Variants in TGM4 observed in about 807,000 individuals in gnomAD.
TGM4 encodes transglutaminase 4.
TGM4 carries 61 observed loss-of-function variants against 76.3 expected under a neutral mutation model. The ratio of observed to expected loss-of-function variants is 0.80; its 90% CI spans 0.65 to 0.99. The LOEUF (loss-of-function observed/expected upper bound fraction) is 0.99. TGM4 is among the 50% of genes least tolerant of loss of function. TGM4 has a pLI of 0.00. For synonymous variants in TGM4, 337 were observed against 329.8 expected (o/e 1.02, Z -0.24); for missense variants, 794 against 843.2 (o/e 0.94, Z 0.72).
chr3:44,887,574 C>A, intron 2 of TGM4, 115 bp from the exon 3 acceptor site: 1 of 848,408 alleles, frequency 1.2e-6, no homozygotes, highest in Non-Finnish European at 1.8e-6. Context: ...GACAAATGAG[C>A]CTGGAAAGGA....
At chr3:44,912,707 C>T (rs183881501) in intron 13 of TGM4, among the ~76,000 whole-genome samples, 61 of 152,190 alleles carry the variant, frequency 4.0e-4, no homozygotes, top group African/African-American at 1.4e-3. Flanking sequence ...TTGTGTCTTG[C>T]CATCTAGGAA....
chr3:44,897,393 C>T (rs1446565757), intron 6 of TGM4, among the ~76,000 whole-genome samples: 3 of 152,182 alleles, frequency 2.0e-5, no homozygotes, highest in Non-Finnish European at 2.9e-5. Flanking sequence ...GCCTCAGTTT[C>T]CCCCATCTGC....
intron 1 of TGM4, among the ~76,000 whole-genome samples, chr3:44,878,449 T>TTTATTATTATTA (rs199498412): frequency 1.7e-4 from 13 of 75,474 alleles, no homozygotes; most frequent in African/African-American, 2.1e-4. Flanking sequence ...TTACTTTTGT[T>TTTATTATTATTA]TTATTATTAT....
chr3:44,899,050 G>A (rs1160902780), intron 6 of TGM4: 1 of 152,420 alleles, frequency 6.6e-6, no homozygotes, highest in East Asian at 1.9e-4. Flanking sequence ...CTCTGGACAA[G>A]ATTCTAAACC....
chr3:44,904,070 C>A, intron 9 of TGM4, 83 bp downstream of exon 9: 1 of 1,227,808 alleles, frequency 8.1e-7, no homozygotes, highest in Non-Finnish European at 1.2e-6. Context: ...GGGTATGCAG[C>A]CAAGCAGGTG....
At chr3:44,889,170 TAAAAAAAAA>T (rs546432543) in intron 3 of TGM4, 21 of 40,278 alleles carry the variant, frequency 5.2e-4, no homozygotes, top group African/African-American at 1.3e-3. Context: ...CCATCTCTAC[TAAAAAAAAA>T]AAAAAAAAAA....
chr3:44,875,399 G>A (rs1465574915), intron 1 of TGM4, among the ~76,000 whole-genome samples: 1 of 152,134 alleles, frequency 6.6e-6, no homozygotes, highest in African/African-American at 2.4e-5. Flanking sequence ...CTTTCTCAAG[G>A]TCACCTGATG....
intron 1 of TGM4, among the ~76,000 whole-genome samples, chr3:44,884,869 C>T (rs546877903): frequency 4.6e-5 from 7 of 152,154 alleles, no homozygotes; most frequent in South Asian, 2.1e-4. Context: ...TCAGTTTGCC[C>T]GCTCCCCTCT....
rs962434651 is a variant in TGM4, at chr3:44,901,591, C to G, written c.725C>G (p.Ala242Gly). 6.2e-7 allele frequency: 1 copy of G among 1,614,008 alleles called. No individual in the cohort carries two copies. The highest frequency in any genetic ancestry group is 8.5e-7 in the Non-Finnish European group (1 of 1,179,932). The change falls in exon 7 of 14, where the codon GCC (alanine) becomes GGC (glycine). Residue 242 changes from alanine to glycine, a missense_variant. Physicochemically the swap from Ala to Gly is moderately conservative, Grantham distance 60. Transcript: ENST00000296125. Reference sequence around the variant, plus strand: ...ACTGGGGACTACGAAGGTGGCACAGCCCCATACAAGTGGACAGGCAGTGCC... The same window carrying G: ...ACTGGGGACTACGAAGGTGGCACAGGCCCATACAAGTGGACAGGCAGTGCC... ...NWTGDYEGGT[A>G]PYKWTGSAPI...
At chr3:44,883,677 C>T (rs540212240) in intron 1 of TGM4, among the ~76,000 whole-genome samples, 4 of 152,268 alleles carry the variant, frequency 2.6e-5, no homozygotes, top group South Asian at 2.1e-4. Flanking sequence ...AGGCCCTGTG[C>T]GCAGTGTGAA....
rs139956883 is a variant in TGM4, at chr3:44,896,727, G to C, written c.568G>C (p.Asp190His). The change falls in exon 6 of 14, where the codon GAC becomes CAC. Residue 190 changes from aspartate to histidine, a missense_variant. Transcript: ENST00000296125. Reference sequence around the variant, plus strand: ...AAAATAGTTTGAGAAAAATGTCCTGGACTGCTGCATTTCCCTGCTGACTGA... The same window carrying C: ...AAAATAGTTTGAGAAAAATGTCCTGCACTGCTGCATTTCCCTGCTGACTGA... ...NFGQFEKNVL[D>H]CCISLLTESS... is the part of the protein sequence containing the mutation. The C allele has an allele frequency of 7.4e-6, 12 of 1,613,976 alleles. No homozygotes were observed. Among genetic ancestry groups the C allele is most frequent in the Non-Finnish European group, 1.0e-5 (12 of 1,180,012 alleles).
intron 3 of TGM4, 45 bp from the exon 4 acceptor site, chr3:44,890,558 C>A (rs2125751580): frequency 6.2e-7 from 1 of 1,600,552 alleles, no homozygotes; most frequent in Non-Finnish European, 8.5e-7. Context: ...GATTTGGGAT[C>A]TGGCCAGAGG....
At chr3:44,892,423 C>T (rs1162051732) in intron 4 of TGM4, among the ~76,000 whole-genome samples, 11 of 140,732 alleles carry the variant, frequency 7.8e-5, no homozygotes, top group Admixed American at 6.7e-4. Context: ...AGTGCAATGG[C>T]GCAATGGTGC....
intron 5 of TGM4, among the ~76,000 whole-genome samples, chr3:44,895,468 A>T (rs1699767119): frequency 6.6e-6 from 1 of 152,074 alleles, no homozygotes; most frequent in African/African-American, 2.4e-5. Context: ...CTCTATAAAA[A>T]ATAAACAAAT....
chr3:44,896,844 TG>T, intron 6 of TGM4, 28 bp downstream of exon 6: 1 of 1,589,188 alleles, frequency 6.3e-7, no homozygotes, highest in South Asian at 1.1e-5. Context: ...GGGCTGATGC[TG>T]TCTTGTACTT....
intron 4 of TGM4, 52 bp downstream of exon 4, chr3:44,890,784 C>T (rs748225889): frequency 5.0e-6 from 8 of 1,603,440 alleles, no homozygotes; most frequent in Middle Eastern, 1.7e-4. Flanking sequence ...CCGGCAAAAC[C>T]TGCTATGTGC....
intron 10 of TGM4, among the ~76,000 whole-genome samples, chr3:44,909,531 AG>A (rs1007342191): frequency 1.3e-5 from 2 of 152,162 alleles, no homozygotes; most frequent in African/African-American, 4.8e-5. Flanking sequence ...TCTGTGAATG[AG>A]GGTTTCCAGG....
Position 44,907,044 on chromosome 3 carries a change from G to A in TGM4, c.1171G>A (p.Gly391Ser), listed in dbSNP as rs768104990. The A allele has an allele frequency of 6.2e-7, 1 of 1,614,132 alleles. No homozygotes were observed. ...CAGATTCGTCTTCTCAGAAGTGAAT[G>A]GTGACAGGCTCATCTGGTTGGTGAA... ...DTRFVFSEVN[G>S]DRLIWLVKMV... The change falls in exon 10 of 14, where the codon GGT (glycine) becomes AGT (serine). Residue 391 changes from glycine (G) to serine (S), a missense_variant. Physicochemically the swap from Gly to Ser is moderately conservative, Grantham distance 56. Transcript: ENST00000296125.
intron 4 of TGM4, among the ~76,000 whole-genome samples, chr3:44,891,576 A>G (rs1398853179): frequency 1.3e-5 from 2 of 152,160 alleles, no homozygotes; most frequent in African/African-American, 4.8e-5. Context: ...AGAGTAAGTT[A>G]CATATAAGTT....
Sources: allele counts gnomAD v4.1 joint callset (sites outside exome capture counted in the v4.1 genomes callset), GRCh38; gene constraint gnomAD v4.1.1; transcripts MANE v1.5; gene names NCBI Gene and HGNC (gene_info 2026-07-23, HGNC 2026-07-21).